Variants in KLF8 observed in about 807,000 individuals in gnomAD.
The protein encoded by KLF8 is Krueppel-like factor 8.
In KLF8, 10 loss-of-function variants were observed where a neutral mutation model predicts 18.2. That is an observed-to-expected ratio of 0.55 (90% CI 0.34 to 0.93). The LOEUF (loss-of-function observed/expected upper bound fraction) is 0.93. Ranked by LOEUF, KLF8 falls within the 40% of genes least tolerant of loss-of-function variation. The pLI is 0.02. For missense variants in KLF8, 264 were observed against 277.9 expected (o/e 0.95, Z 0.36); for synonymous variants, 109 against 97.3 (o/e 1.12, Z -0.71).
At chrX:56,200,883 A>T in the KLF8 span, among the ~76,000 whole-genome samples, 3 of 111,853 alleles carry the variant, frequency 2.7e-5, no homozygotes, top group African/African-American at 9.7e-5. Context: ...ATTATTAATC[A>T]TTAGGGAAAT....
chrX:55,977,890 T>C, the KLF8 span, among the ~76,000 whole-genome samples: 1 of 110,754 alleles, frequency 9.0e-6, no homozygotes, highest in Non-Finnish European at 1.9e-5. Flanking sequence ...AGGAGAGCTC[T>C]ATCATTTTCC....
At chrX:55,980,662 T>A in the KLF8 span, among the ~76,000 whole-genome samples, 1 of 112,001 alleles carries the variant, frequency 8.9e-6, no homozygotes, top group South Asian at 3.7e-4. Context: ...TCCTGCTTAA[T>A]GATTCCTGGG....
chrX:56,245,286 T>G (rs894233989), intron 1 of KLF8, among the ~76,000 whole-genome samples: 1 of 111,622 alleles, frequency 9.0e-6, no homozygotes, highest in African/African-American at 3.3e-5. Flanking sequence ...TCTCTAGGCA[T>G]TTTTCCCTTT....
the KLF8 span, among the ~76,000 whole-genome samples, chrX:56,050,520 T>A: frequency 8.9e-6 from 1 of 112,322 alleles, no homozygotes; most frequent in African/African-American, 3.2e-5. Context: ...TTCATTTTGT[T>A]ATGTACCCAG....
intron 5 of KLF8, among the ~76,000 whole-genome samples, chrX:56,278,478 G>A (rs745831350): frequency 5.4e-5 from 6 of 111,011 alleles, no homozygotes; most frequent in African/African-American, 2.0e-4. Context: ...GAAGCCTCAC[G>A]ACTCTGAATG....
At chrX:56,113,637 A>T in the KLF8 span, among the ~76,000 whole-genome samples, 3 of 107,347 alleles carry the variant, frequency 2.8e-5, no homozygotes, top group Admixed American at 2.0e-4. Flanking sequence ...GAAAAAACAC[A>T]CAACACAAAC....
the KLF8 span, among the ~76,000 whole-genome samples, chrX:55,992,967 G>C: frequency 2.7e-5 from 3 of 111,610 alleles, no homozygotes; most frequent in Non-Finnish European, 5.6e-5. Flanking sequence ...AAACTTTGCT[G>C]AAGTTGTTTG....
the KLF8 span, among the ~76,000 whole-genome samples, chrX:55,939,322 A>G: frequency 8.9e-6 from 1 of 111,826 alleles, no homozygotes; most frequent in Non-Finnish European, 1.9e-5. Context: ...GTTCTTTGAA[A>G]CCAACGAGAG....
chrX:56,021,961 C>CAAA, the KLF8 span, among the ~76,000 whole-genome samples: 1 of 76,954 alleles, frequency 1.3e-5, no homozygotes, highest in African/African-American at 4.6e-5. Context: ...GAGAATAGAG[C>CAAA]AAAAAAAAAA....
intron 2 of KLF8, among the ~76,000 whole-genome samples, chrX:56,251,510 T>C (rs182187209): frequency 1.8e-5 from 2 of 111,372 alleles, no homozygotes; most frequent in Admixed American, 1.9e-4. Context: ...TCACCCAGGA[T>C]GGAGTGCAGT....
the KLF8 span, among the ~76,000 whole-genome samples, chrX:56,171,325 T>C: frequency 1.8e-5 from 2 of 112,197 alleles, no homozygotes; most frequent in Non-Finnish European, 3.8e-5. Context: ...ATTTTCTTTT[T>C]ATGAAAACAG....
the KLF8 span, among the ~76,000 whole-genome samples, chrX:55,996,161 A>G: frequency 2.7e-5 from 3 of 111,478 alleles, no homozygotes; most frequent in Non-Finnish European, 3.8e-5. Context: ...TTCTGCTGGT[A>G]TTACTTCTGA....
the KLF8 span, among the ~76,000 whole-genome samples, chrX:56,065,926 G>A: frequency 8.9e-6 from 1 of 111,761 alleles, no homozygotes. Flanking sequence ...GGCTTCCAAT[G>A]TGGCAGCAGT....
chrX:56,178,885 C>T, the KLF8 span, among the ~76,000 whole-genome samples: 8 of 111,909 alleles, frequency 7.1e-5, no homozygotes, highest in Non-Finnish European at 1.3e-4. Flanking sequence ...CAGTTACTGT[C>T]GCCTTGTACT....
At chrX:56,159,161 T>C in the KLF8 span, among the ~76,000 whole-genome samples, 2 of 112,238 alleles carry the variant, frequency 1.8e-5, no homozygotes, top group African/African-American at 6.5e-5. Context: ...ATTTTTGTCA[T>C]TGTTTCTGTT....
the KLF8 span, among the ~76,000 whole-genome samples, chrX:56,159,201 G>A: frequency 9.8e-5 from 11 of 112,049 alleles, no homozygotes; most frequent in Admixed American, 3.8e-4. Context: ...ATTGATTTGC[G>A]TATTTTGAAC....
chrX:56,029,590 G>T, the KLF8 span, among the ~76,000 whole-genome samples: 1 of 111,807 alleles, frequency 8.9e-6, no homozygotes, highest in Non-Finnish European at 1.9e-5. Context: ...CTCCTTGGGG[G>T]CATTTGAGCT....
At chrX:56,142,619 T>C in the KLF8 span, among the ~76,000 whole-genome samples, 1 of 112,223 alleles carries the variant, frequency 8.9e-6, no homozygotes, top group South Asian at 3.7e-4. Context: ...ACCACCTACT[T>C]GATATCTTTA....
the KLF8 span, among the ~76,000 whole-genome samples, chrX:56,142,924 C>T: frequency 1.8e-5 from 2 of 111,969 alleles, no homozygotes; most frequent in Non-Finnish European, 1.9e-5. Context: ...TGGATTAATG[C>T]AATAGCTGAT....
Sources: allele counts gnomAD v4.1 joint callset (sites outside exome capture counted in the v4.1 genomes callset), GRCh38; gene constraint gnomAD v4.1.1; transcripts MANE v1.5; gene names NCBI Gene and HGNC (gene_info 2026-07-23, HGNC 2026-07-21).